RAD51B: variants seen among roughly 807,000 people sequenced by gnomAD.
The protein encoded by RAD51B is DNA repair protein RAD51 homolog 2.
A neutral mutation model predicts 42.2 loss-of-function variants in RAD51B; 38 were observed. The ratio of observed to expected loss-of-function variants is 0.90; its 90% confidence interval spans 0.70 to 1.18. RAD51B has a LOEUF of 1.18. Among genes scored for constraint, RAD51B ranks in the 50% most tolerant of loss-of-function variants. RAD51B has a pLI of 0.00. For missense variants in RAD51B, 373 were observed against 400.7 expected, an observed-to-expected ratio of 0.93 and a Z score of 0.59; for synonymous variants, 154 against 145.2, an observed-to-expected ratio of 1.06 and a Z score of -0.43.
chr14:68,158,378 A>G (rs2078563132), intron 7 of RAD51B, among the ~76,000 whole-genome samples: 1 of 152,236 alleles, frequency 6.6e-6, no homozygotes, highest in Non-Finnish European at 1.5e-5. Flanking sequence ...TAAATGGTTT[A>G]GATTTCAAAC....
chr14:68,284,994 C>G (rs1463544817), intron 7 of RAD51B, among the ~76,000 whole-genome samples: 1 of 152,154 alleles, frequency 6.6e-6, no homozygotes, highest in Non-Finnish European at 1.5e-5. Flanking sequence ...CTGCCTCTTG[C>G]CCTCATTGCT....
At chr14:68,173,118 T>G (rs569645751) in intron 7 of RAD51B, among the ~76,000 whole-genome samples, 32 of 152,358 alleles carry the variant, frequency 2.1e-4, no homozygotes, top group Middle Eastern at 3.4e-3. Context: ...GAAGTTTTAC[T>G]TGCCAAAAGT....
intron 7 of RAD51B, among the ~76,000 whole-genome samples, chr14:68,104,161 T>C (rs2077338037): frequency 6.6e-6 from 1 of 152,188 alleles, no homozygotes. Flanking sequence ...CTGCTAACAG[T>C]CTACAGAAGT....
rs191310149 is a variant in RAD51B at position 67,950,315 on chromosome 14, C to G, written c.756+63111C>G. Among the ~76,000 whole-genome samples, 19 of 152,364 alleles carry G rather than the reference C, an allele frequency of 1.2e-4. 1 individual carries two copies. In the East Asian group the frequency reaches 2.9e-3, roughly 23 times the overall value. On this transcript the variant is annotated intron_variant, in intron 7 of 10. Coordinates refer to ENST00000471583, the MANE Select transcript of RAD51B (RefSeq NM_133510.4). ...GGGAGATCTTCTGGATAACTTGCTG[C>G]AGCATCTACATCCACACTTGGTGCT...
At chr14:68,294,311 A>G (rs893510491) in intron 8 of RAD51B, among the ~76,000 whole-genome samples, 1 of 151,900 alleles carries the variant, frequency 6.6e-6, no homozygotes, top group African/African-American at 2.4e-5. Context: ...TTTTTTTTGT[A>G]TAGCTGAGCA....
chr14:68,407,864 G>T (rs528489591), intron 8 of RAD51B, among the ~76,000 whole-genome samples: 1 of 152,202 alleles, frequency 6.6e-6, no homozygotes, highest in Non-Finnish European at 1.5e-5. Flanking sequence ...GGGGGAAGAA[G>T]TCTGGAAGGG....
chr14:68,298,713 A>T (rs540681459), intron 8 of RAD51B, among the ~76,000 whole-genome samples: 1 of 152,208 alleles, frequency 6.6e-6, no homozygotes, highest in Non-Finnish European at 1.5e-5. Flanking sequence ...AGAGAATGGG[A>T]TGCCAAGAGG....
chr14:68,277,371 C>T (rs2081244687), intron 7 of RAD51B, among the ~76,000 whole-genome samples: 1 of 152,148 alleles, frequency 6.6e-6, no homozygotes. Flanking sequence ...GCCAGTAAGA[C>T]CTAGCTTTCT....
intron 9 of RAD51B, among the ~76,000 whole-genome samples, chr14:68,421,440 A>C (rs918432779): frequency 1.3e-5 from 2 of 152,040 alleles, no homozygotes; most frequent in African/African-American, 4.8e-5. Flanking sequence ...GATGGGTGCA[A>C]TGAGTGGAGT....
chr14:68,568,596 C>A (rs960667346), intron 10 of RAD51B, among the ~76,000 whole-genome samples: 1 of 152,140 alleles, frequency 6.6e-6, no homozygotes, highest in Non-Finnish European at 1.5e-5. Flanking sequence ...ACAGAACTTC[C>A]TTGTATTTTT....
chr14:68,648,111 ACGTATATATATATACAC>A (rs1892614635), intron 10 of RAD51B, among the ~76,000 whole-genome samples: 1 of 14,058 alleles, frequency 7.1e-5, no homozygotes, highest in Non-Finnish European at 1.6e-4. Flanking sequence ...ATATACACAC[ACGTATATATATATACAC>A]ACACGTATAT....
chr14:68,271,777 A>G lies in RAD51B; in HGVS notation c.757-20107A>G, dbSNP rs145133135. 1.8e-3 allele frequency among the ~76,000 whole-genome samples: 279 copies of G among 152,364 alleles called. 6 individuals are homozygous for G. In the East Asian group the frequency reaches 0.039, roughly 21 times the overall value. ...TCAACTCGTAACAAGGGACTAATTAATTGAAGATGACGATGATGATAATGT... is the reference window on the plus strand; with the variant it reads ...TCAACTCGTAACAAGGGACTAATTAGTTGAAGATGACGATGATGATAATGT... On this transcript the variant is annotated intron_variant, in intron 7 of 10. Transcript: ENST00000471583.
chr14:68,403,493 G>A (rs537642334), intron 8 of RAD51B, among the ~76,000 whole-genome samples: 4 of 152,218 alleles, frequency 2.6e-5, no homozygotes, highest in African/African-American at 9.6e-5. Flanking sequence ...TTTCCAACAG[G>A]CCTCTTCTAA....
At chr14:68,343,484 G>T (rs1257808719) in intron 8 of RAD51B, among the ~76,000 whole-genome samples, 2 of 152,188 alleles carry the variant, frequency 1.3e-5, no homozygotes, top group Non-Finnish European at 2.9e-5. Flanking sequence ...TATGAGCAAA[G>T]AAATGATTTA....
chr14:68,113,794 T>C (rs1249663630), intron 7 of RAD51B: 1 of 152,146 alleles, frequency 6.6e-6, no homozygotes, highest in South Asian at 2.1e-4. Context: ...AGTATGAGCA[T>C]GCTGGGTTTC....
intron 7 of RAD51B, among the ~76,000 whole-genome samples, chr14:68,117,909 T>G (rs183785620): frequency 8.2e-4 from 125 of 152,308 alleles, no homozygotes; most frequent in Non-Finnish European, 1.4e-3. Context: ...TAGAAGCCAT[T>G]TATGGACTAT....
downstream of RAD51B, among the ~76,000 whole-genome samples, chr14:68,599,398 C>T (rs1891131636): frequency 1.3e-5 from 2 of 152,140 alleles, no homozygotes; most frequent in Admixed American, 1.3e-4. Flanking sequence ...TTAGGAAACT[C>T]ATTGCAAGTA....
intron 7 of RAD51B, among the ~76,000 whole-genome samples, chr14:68,251,447 T>C (rs1442178349): frequency 2.0e-5 from 3 of 152,220 alleles, no homozygotes; most frequent in African/African-American, 7.2e-5. Flanking sequence ...TTTTAAATGC[T>C]GGTAAACAAC....
chr14:68,555,650 C>T (rs1294588607), intron 10 of RAD51B, among the ~76,000 whole-genome samples: 1 of 152,208 alleles, frequency 6.6e-6, no homozygotes, highest in African/African-American at 2.4e-5. Flanking sequence ...CCCTTCTCTT[C>T]AGCCGGGGCA....
Sources: gnomAD v4.1 joint callset for allele counts (sites outside exome capture counted in the v4.1 genomes callset) on GRCh38, gnomAD v4.1.1 for gene constraint, MANE v1.5 for transcripts, NCBI Gene and HGNC (gene_info 2026-07-23, HGNC 2026-07-21) for gene names.